NOS1AP: variants seen among roughly 807,000 people sequenced by gnomAD.
NOS1AP encodes the protein nitric oxide synthase 1 adaptor protein, also known as carboxyl-terminal PDZ ligand of neuronal nitric oxide synthase protein.
NOS1AP carries 21 observed loss-of-function variants against 56.2 expected under a neutral mutation model. The observed-to-expected ratio is 0.37, with a 90% CI of 0.26 to 0.54. NOS1AP has a LOEUF of 0.54. Among genes scored for constraint, NOS1AP ranks in the 20% least tolerant of loss-of-function variants. The pLI, the probability that NOS1AP is intolerant of heterozygous loss-of-function variation, is 0.84. For synonymous variants in NOS1AP, 270 were observed against 274.6 expected (o/e 0.98, Z 0.17); for missense variants, 522 against 657.8 (o/e 0.79, Z 2.26).
chr1:162,149,225 G>A (rs1649604873), intron 1 of NOS1AP, among the ~76,000 whole-genome samples: 1 of 152,220 alleles, frequency 6.6e-6, no homozygotes, highest in South Asian at 2.1e-4. Context: ...TTTGACTGAA[G>A]GCAGGGAATT....
chr1:162,191,090 G>A (rs1651616674), intron 2 of NOS1AP, among the ~76,000 whole-genome samples: 1 of 152,134 alleles, frequency 6.6e-6, no homozygotes, highest in African/African-American at 2.4e-5. Context: ...TGACAGAGTT[G>A]TTCCCTGGTC....
At chr1:162,286,110 T>G (rs1188774492) in intron 2 of NOS1AP, among the ~76,000 whole-genome samples, 1 of 152,212 alleles carries the variant, frequency 6.6e-6, no homozygotes, top group Non-Finnish European at 1.5e-5. Flanking sequence ...GTTTGTAACA[T>G]CAGAATATTA....
intron 1 of NOS1AP, among the ~76,000 whole-genome samples, chr1:162,076,894 G>A (rs967569821): frequency 1.3e-5 from 2 of 152,110 alleles, no homozygotes; most frequent in Non-Finnish European, 2.9e-5. Flanking sequence ...TTGTGTTTCA[G>A]GGTTCATCTA....
intron 2 of NOS1AP, among the ~76,000 whole-genome samples, chr1:162,242,843 A>G (rs141140957): frequency 2.6e-5 from 4 of 152,290 alleles, no homozygotes; most frequent in African/African-American, 7.2e-5. Flanking sequence ...ACCTTCAGCT[A>G]TCTCCTAGAT....
intron 2 of NOS1AP, among the ~76,000 whole-genome samples, chr1:162,254,912 T>C (rs1653977384): frequency 6.6e-6 from 1 of 152,198 alleles, no homozygotes; most frequent in Admixed American, 6.5e-5. Context: ...TTATCTGGGA[T>C]TTAGATTTAG....
chr1:162,185,800 G>A (rs528574823), intron 2 of NOS1AP, among the ~76,000 whole-genome samples: 1 of 152,148 alleles, frequency 6.6e-6, no homozygotes, highest in Non-Finnish European at 1.5e-5. Context: ...GATTTGTGGT[G>A]GAGGAAAAAC....
chr1:162,233,705 T>C lies in NOS1AP; in HGVS notation c.178-53639T>C, dbSNP rs139254411. On this transcript the variant is annotated intron_variant, in intron 2 of 9. Transcript: ENST00000361897. Reference sequence around the variant, plus strand: ...TCCAATCCCAAAGATAGATATGACTTTCTGGGACTTTATTTGCAAGGCAGT... The same window carrying C: ...TCCAATCCCAAAGATAGATATGACTCTCTGGGACTTTATTTGCAAGGCAGT... Among the ~76,000 whole-genome samples, 30 of 152,324 alleles carry C rather than the reference T, an allele frequency of 2.0e-4. No individual in the cohort carries two copies. The East Asian group carries it at 5.0e-3, about 25-fold the overall frequency.
chr1:162,228,246 G>A (rs1653008952), intron 2 of NOS1AP, among the ~76,000 whole-genome samples: 1 of 152,198 alleles, frequency 6.6e-6, no homozygotes, highest in South Asian at 2.1e-4. Context: ...TTCTGATTTT[G>A]TCAGACTAGT....
chr1:162,287,722 C>G (rs1655135191), intron 3 of NOS1AP, among the ~76,000 whole-genome samples: 1 of 150,858 alleles, frequency 6.6e-6, no homozygotes, highest in Non-Finnish European at 1.5e-5. Flanking sequence ...ATACCTTTAT[C>G]TTTGAGTTTT....
intron 8 of NOS1AP, among the ~76,000 whole-genome samples, chr1:162,359,720 G>GGT (rs1657827773): frequency 1.1e-5 from 1 of 94,690 alleles, no homozygotes; most frequent in African/African-American, 4.3e-5. Context: ...TTCTCTACGC[G>GGT]GGGGGGGGCT....
chr1:162,094,259 A>G (rs532302610), intron 1 of NOS1AP, among the ~76,000 whole-genome samples: 82 of 152,318 alleles, frequency 5.4e-4, no homozygotes, highest in Middle Eastern at 3.4e-3. Flanking sequence ...TCATGGCATC[A>G]TAAACACAGG....
chr1:162,316,566 G>A (rs1656238168), intron 4 of NOS1AP, among the ~76,000 whole-genome samples: 1 of 152,202 alleles, frequency 6.6e-6, no homozygotes, highest in South Asian at 2.1e-4. Flanking sequence ...CCCCAAACAG[G>A]CTTTGTGTGA....
intron 1 of NOS1AP, among the ~76,000 whole-genome samples, chr1:162,107,800 G>T (rs1205299816): frequency 6.6e-6 from 1 of 152,118 alleles, no homozygotes; most frequent in Non-Finnish European, 1.5e-5. Flanking sequence ...ATCCCTATCG[G>T]CGTGTATCAT....
intron 6 of NOS1AP, among the ~76,000 whole-genome samples, chr1:162,344,753 A>C (rs77111041): frequency 0.07 from 10,629 of 151,976 alleles, 532 homozygotes; most frequent in South Asian, 0.16. Flanking sequence ...TGAAAAAATG[A>C]AGTATGGGCA....
At chr1:162,267,343 G>T (rs1654455060) in intron 2 of NOS1AP, among the ~76,000 whole-genome samples, 1 of 152,170 alleles carries the variant, frequency 6.6e-6, no homozygotes, top group Admixed American at 6.5e-5. Context: ...GGGAATGGTT[G>T]TTAAACCTGG....
intron 2 of NOS1AP, among the ~76,000 whole-genome samples, chr1:162,211,547 A>G (rs574994886): frequency 6.6e-6 from 1 of 152,268 alleles, no homozygotes; most frequent in African/African-American, 2.4e-5. Context: ...GGACAATACA[A>G]TCTATAGCAC....
At chr1:162,180,418 G>GTATTT (rs199625467) in intron 2 of NOS1AP, among the ~76,000 whole-genome samples, 2,988 of 152,106 alleles carry the variant, frequency 0.02, 111 homozygotes, top group African/African-American at 0.068. Context: ...CTAATTTTTT[G>GTATTT]TATTTTTAGT....
intron 4 of NOS1AP, among the ~76,000 whole-genome samples, chr1:162,303,734 A>G (rs549428966): frequency 2.0e-5 from 3 of 152,086 alleles, no homozygotes; most frequent in African/African-American, 7.2e-5. Context: ...GAGCCACTGC[A>G]CTCAGCCTTC....
intron 6 of NOS1AP, among the ~76,000 whole-genome samples, chr1:162,347,043 G>A (rs1202178942): frequency 1.3e-5 from 2 of 152,158 alleles, no homozygotes; most frequent in Admixed American, 1.3e-4. Flanking sequence ...TATCTCTGCT[G>A]GTCAATTTTT....
Sources: allele counts gnomAD v4.1 joint callset (sites outside exome capture counted in the v4.1 genomes callset), GRCh38; gene constraint gnomAD v4.1.1; transcripts MANE v1.5; gene names NCBI Gene and HGNC (gene_info 2026-07-23, HGNC 2026-07-21).